VAV3: variants seen among roughly 807,000 people sequenced by gnomAD.
VAV3 encodes guanine nucleotide exchange factor VAV3.
In VAV3, 94 loss-of-function variants were observed where a neutral mutation model predicts 131.2. The observed-to-expected ratio is 0.72, with a 90% confidence interval of 0.61 to 0.85. VAV3 has a LOEUF of 0.85. VAV3 is among the 40% of genes least tolerant of loss of function. The probability of loss-of-function intolerance (pLI) is 0.00; values close to 1 mark genes in which losing one functional copy is unlikely to be tolerated. For synonymous variants in VAV3, 349 were observed against 342.0 expected (o/e 1.02, Z -0.22); for missense variants, 939 against 1,002.7 (o/e 0.94, Z 0.86).
chr1:107,766,611 A>C, intron 7 of VAV3, 61 bp from the exon 8 acceptor site: 2 of 1,288,610 alleles, frequency 1.6e-6, no homozygotes, highest in East Asian at 2.4e-5. Flanking sequence ...TACACCCCAA[A>C]CCCAGAATCC....
At chr1:107,803,302 G>T (rs1203998133) in intron 2 of VAV3, among the ~76,000 whole-genome samples, 2 of 151,618 alleles carry the variant, frequency 1.3e-5, no homozygotes, top group African/African-American at 4.8e-5. Flanking sequence ...TTTAAGGCTG[G>T]GTTTAGTTTG....
intron 19 of VAV3, among the ~76,000 whole-genome samples, chr1:107,644,076 A>C (rs1187224621): frequency 6.6e-6 from 1 of 152,132 alleles, no homozygotes; most frequent in Admixed American, 6.6e-5. Flanking sequence ...TCTCACCCTA[A>C]CACCAACAGC....
At chr1:107,801,352 A>T (rs1666819135) in intron 2 of VAV3, among the ~76,000 whole-genome samples, 1 of 152,142 alleles carries the variant, frequency 6.6e-6, no homozygotes, top group African/African-American at 2.4e-5. Flanking sequence ...GAAGAATATC[A>T]CTGATATTTT....
chr1:107,604,991 T>C (rs1044712642), intron 22 of VAV3, among the ~76,000 whole-genome samples: 9 of 152,206 alleles, frequency 5.9e-5, no homozygotes, highest in African/African-American at 2.2e-4. Context: ...CACTCCTTTA[T>C]AGTGCTGTTC....
chr1:107,900,271 T>C (rs1671789850), intron 1 of VAV3, among the ~76,000 whole-genome samples: 2 of 152,306 alleles, frequency 1.3e-5, no homozygotes, highest in South Asian at 2.1e-4. Context: ...AGCCGCAAAG[T>C]ATATCCATAG....
At chr1:107,616,741 G>A (rs1653181903) in intron 21 of VAV3, among the ~76,000 whole-genome samples, 1 of 152,134 alleles carries the variant, frequency 6.6e-6, no homozygotes, top group Non-Finnish European at 1.5e-5. Context: ...AGATTCTCAT[G>A]TTTCTAACAG....
At chr1:107,803,253 T>C (rs1359517207) in intron 2 of VAV3, among the ~76,000 whole-genome samples, 1 of 152,014 alleles carries the variant, frequency 6.6e-6, no homozygotes. Flanking sequence ...TAAAGGTTTG[T>C]CAATATTGTT....
At chr1:107,894,302 G>A (rs982128394) in intron 1 of VAV3, among the ~76,000 whole-genome samples, 1 of 152,146 alleles carries the variant, frequency 6.6e-6, no homozygotes, top group Non-Finnish European at 1.5e-5. Context: ...AGATAAAAAT[G>A]CAATTTTCAC....
chr1:107,688,248 G>A, intron 18 of VAV3, 133 bp downstream of exon 18: 1 of 1,124,764 alleles, frequency 8.9e-7, no homozygotes, highest in African/African-American at 1.6e-5. Flanking sequence ...TCACTTGGTT[G>A]TTCCCTCTGT....
intron 1 of VAV3, among the ~76,000 whole-genome samples, chr1:107,875,830 C>T (rs974083858): frequency 3.3e-5 from 5 of 152,144 alleles, no homozygotes; most frequent in African/African-American, 1.2e-4. Context: ...TGAGAGACAA[C>T]TGTGGGAAGA....
chr1:107,925,205 G>T (rs1673091810), intron 1 of VAV3, among the ~76,000 whole-genome samples: 1 of 152,040 alleles, frequency 6.6e-6, no homozygotes, highest in Admixed American at 6.5e-5. Flanking sequence ...GGTCAAGATA[G>T]AAGTACCTTT....
At chr1:107,824,640 G>T (rs1434122860) in intron 2 of VAV3, among the ~76,000 whole-genome samples, 1 of 152,018 alleles carries the variant, frequency 6.6e-6, no homozygotes, top group Non-Finnish European at 1.5e-5. Context: ...GACATTTTAT[G>T]TATGCAGCAT....
chr1:107,728,493 G>A (rs1302349286), intron 15 of VAV3, among the ~76,000 whole-genome samples: 1 of 151,944 alleles, frequency 6.6e-6, no homozygotes, highest in Admixed American at 6.6e-5. Context: ...CAGGAGTGAG[G>A]GTGGGTGGGT....
intron 2 of VAV3, among the ~76,000 whole-genome samples, chr1:107,813,940 TTC>T (rs1397771156): frequency 1.3e-5 from 2 of 151,758 alleles, no homozygotes; most frequent in Non-Finnish European, 2.9e-5. Flanking sequence ...CAGGATTTTA[TTC>T]TTTTGTATGG....
intron 1 of VAV3, among the ~76,000 whole-genome samples, chr1:107,881,683 A>G (rs908222549): frequency 8.5e-5 from 13 of 152,220 alleles, no homozygotes; most frequent in African/African-American, 2.9e-4. Context: ...ATCAATGCAC[A>G]TAACTTCCGA....
chr1:107,699,365 T>C (rs1007516934), intron 17 of VAV3, among the ~76,000 whole-genome samples: 1 of 152,228 alleles, frequency 6.6e-6, no homozygotes, highest in Admixed American at 6.5e-5. Context: ...GTCACACCGA[T>C]GCAAGAGGTA....
chr1:107,713,876 A>G (rs1029281406), intron 15 of VAV3, among the ~76,000 whole-genome samples: 19 of 152,250 alleles, frequency 1.2e-4, no homozygotes, highest in African/African-American at 4.3e-4. Flanking sequence ...ATCATCTCCT[A>G]TAAAGTCAGA....
At position 107,908,758 on chromosome 1, in the gene VAV3, A is replaced by G. The variant is rs1672220532; in HGVS notation, c.205-33741T>C. On this transcript the variant is annotated intron_variant, in intron 1 of 26. Transcript: ENST00000370056. ...ATGTGACAGCTGATAGAAAAGGAGTAAGAAAAAGCAGTTGTTTTTTAAAAT... is the reference window on the plus strand; with the variant it reads ...ATGTGACAGCTGATAGAAAAGGAGTGAGAAAAAGCAGTTGTTTTTTAAAAT... 1.3e-5 allele frequency among the ~76,000 whole-genome samples: 2 copies of G among 151,258 alleles called. 1 individual carries two copies. The highest frequency in any genetic ancestry group is 4.2e-4 in the South Asian group (2 of 4,780).
rs996591660 is a variant in VAV3 at position 107,681,819 on chromosome 1, A to AT, written c.1777+1668dup. 2.2e-4 allele frequency among the ~76,000 whole-genome samples: 33 copies of AT among 147,622 alleles called. No individual in the cohort carries two copies. The East Asian group carries it at 2.4e-3, about 11-fold the overall frequency. On this transcript the variant is annotated intron_variant, in intron 19 of 26. Transcript: ENST00000370056. ...CAGGCACCCGCCACCACCCCCAGCT[A>AT]TTTTTTTTTTGCTTGTATTTTTAGT...
Sources: gnomAD v4.1 joint callset for allele counts (sites outside exome capture counted in the v4.1 genomes callset) on GRCh38, gnomAD v4.1.1 for gene constraint, MANE v1.5 for transcripts, NCBI Gene and HGNC (gene_info 2026-07-23, HGNC 2026-07-21) for gene names.